SDCCAG8: variants seen among roughly 807,000 people sequenced by gnomAD.
The protein encoded by SDCCAG8 is serologically defined colon cancer antigen 8.
Under a neutral mutation model 101.8 loss-of-function variants are expected in SDCCAG8, and 74 were observed. That is an observed-to-expected ratio of 0.73 (90% CI 0.60 to 0.88). The LOEUF is 0.88. Ranked by LOEUF, SDCCAG8 falls within the 40% of genes least tolerant of loss-of-function variation. The probability of loss-of-function intolerance (pLI) is 0.00; values close to 1 mark genes in which losing one functional copy is unlikely to be tolerated. For missense variants in SDCCAG8, 787 were observed against 822.6 expected (o/e 0.96, Z 0.53); for synonymous variants, 281 against 292.9 (o/e 0.96, Z 0.41).
At chr1:243,437,651 C>T (rs1384712476) in intron 16 of SDCCAG8, among the ~76,000 whole-genome samples, 1 of 151,884 alleles carries the variant, frequency 6.6e-6, no homozygotes, top group Non-Finnish European at 1.5e-5. Context: ...ATTCTCCTGC[C>T]TCAGCCTCCC....
At chr1:243,256,504 G>A (rs1449293367) in intron 1 of SDCCAG8, among the ~76,000 whole-genome samples, 1 of 152,250 alleles carries the variant, frequency 6.6e-6, no homozygotes, top group Non-Finnish European at 1.5e-5. Context: ...GGCGACAGCA[G>A]AAACTCTTGG....
At chr1:243,337,076 G>A (rs537923087) in intron 10 of SDCCAG8, among the ~76,000 whole-genome samples, 20 of 152,128 alleles carry the variant, frequency 1.3e-4, no homozygotes, top group African/African-American at 4.8e-4. Flanking sequence ...CTTTCCCAAG[G>A]CCCATGTAGG....
At chr1:243,286,481 A>C (rs2069630452) in intron 5 of SDCCAG8, 84 bp downstream of exon 5, 1 of 1,467,710 alleles carries the variant, frequency 6.8e-7, no homozygotes, top group Non-Finnish European at 9.4e-7. Flanking sequence ...CGCTGCTTAG[A>C]TTTTCTCCCT....
chr1:243,428,990 A>G (rs1247732799), intron 16 of SDCCAG8, among the ~76,000 whole-genome samples: 3 of 152,188 alleles, frequency 2.0e-5, no homozygotes, highest in African/African-American at 7.2e-5. Flanking sequence ...TGTATTTTTC[A>G]TCATGTTTAG....
At chr1:243,285,818 C>A (rs1300620240) in intron 4 of SDCCAG8, among the ~76,000 whole-genome samples, 1 of 152,214 alleles carries the variant, frequency 6.6e-6, no homozygotes, top group African/African-American at 2.4e-5. Context: ...TATTTGGCTA[C>A]CATTTCATAG....
intron 16 of SDCCAG8, among the ~76,000 whole-genome samples, chr1:243,454,424 G>A (rs896231002): frequency 2.6e-4 from 40 of 152,018 alleles, no homozygotes; most frequent in African/African-American, 7.7e-4. Context: ...GTTCGCTCAC[G>A]TTTGGTTATC....
intron 16 of SDCCAG8, among the ~76,000 whole-genome samples, chr1:243,466,458 C>A (rs918834485): frequency 6.6e-6 from 1 of 152,162 alleles, no homozygotes; most frequent in African/African-American, 2.4e-5. Flanking sequence ...AAGTTCAAAT[C>A]CTGTCTCTAC....
intron 4 of SDCCAG8, among the ~76,000 whole-genome samples, chr1:243,279,453 G>T (rs1411284280): frequency 6.6e-6 from 1 of 152,230 alleles, no homozygotes; most frequent in African/African-American, 2.4e-5. Flanking sequence ...CCAGCATCAT[G>T]AGAGAATATT....
At chr1:243,261,500 C>T (rs2067189230) in intron 1 of SDCCAG8, among the ~76,000 whole-genome samples, 1 of 152,172 alleles carries the variant, frequency 6.6e-6, no homozygotes, top group African/African-American at 2.4e-5. Flanking sequence ...GGTTGACTTT[C>T]TATGTTTTGC....
At position 243,378,809 on chromosome 1, in the gene SDCCAG8, G is replaced by A. The variant is rs2077758467; in HGVS notation, c.1562G>A (p.Cys521Tyr). 6 of 1,614,100 alleles carry A rather than the reference G, an allele frequency of 3.7e-6. No individual in the cohort carries two copies. Among genetic ancestry groups the A allele is most frequent in the Non-Finnish European group, 5.1e-6 (6 of 1,179,990 alleles). The part of the protein sequence containing the change: ...QQKAALAREE[C>Y]LRLTELLGES... ...AAGGCAGCCCTGGCCAGAGAGGAGT[G>A]CCTGAGACTAACAGAACTGCTGGGC... Residue 521 changes from cysteine to tyrosine, a missense_variant, in exon 13 of 18, where the codon TGC (cysteine) becomes TAC (tyrosine). By Grantham distance (194) the Cys-to-Tyr change is radical. Transcript: ENST00000366541.
intron 12 of SDCCAG8, among the ~76,000 whole-genome samples, chr1:243,354,954 C>T (rs2147829862): frequency 6.6e-6 from 1 of 152,286 alleles, no homozygotes; most frequent in East Asian, 1.9e-4. Flanking sequence ...CAAAGAGATT[C>T]CTGATCTAAC....
chr1:243,495,881 G>A (rs1044546172), intron 17 of SDCCAG8, among the ~76,000 whole-genome samples: 5 of 152,180 alleles, frequency 3.3e-5, no homozygotes, highest in Admixed American at 3.3e-4. Flanking sequence ...ATCTGCCAGA[G>A]CAAGCAGGAG....
chr1:243,375,264 A>G (rs1237666336), intron 12 of SDCCAG8, among the ~76,000 whole-genome samples: 2 of 152,122 alleles, frequency 1.3e-5, no homozygotes, highest in Non-Finnish European at 2.9e-5. Context: ...AGAAGAACTA[A>G]TGGTGCATGC....
intron 16 of SDCCAG8, among the ~76,000 whole-genome samples, chr1:243,433,718 T>TAAG (rs1289584184): frequency 2.0e-5 from 3 of 152,224 alleles, no homozygotes; most frequent in African/African-American, 7.2e-5. Context: ...CTTGAGTTGT[T>TAAG]CATCCTTTGC....
chr1:243,344,461 T>A (rs2075580870), intron 12 of SDCCAG8, 130 bp downstream of exon 12: 2 of 780,230 alleles, frequency 2.6e-6, no homozygotes, highest in African/African-American at 1.8e-5. Context: ...CAGTTTACAC[T>A]GTTAGGAAAA....
chr1:243,444,318 G>C (rs1039759022), intron 16 of SDCCAG8, among the ~76,000 whole-genome samples: 6 of 151,340 alleles, frequency 4.0e-5, no homozygotes, highest in Admixed American at 2.0e-4. Context: ...TACGTCATAG[G>C]CTTAACTTTA....
At chr1:243,413,279 C>T (rs975981042) in intron 13 of SDCCAG8, among the ~76,000 whole-genome samples, 10 of 152,320 alleles carry the variant, frequency 6.6e-5, no homozygotes, top group Admixed American at 3.3e-4. Flanking sequence ...AATCTCTGCT[C>T]GCTGCATCCT....
chr1:243,337,373 A>C (rs1042603536), intron 10 of SDCCAG8, among the ~76,000 whole-genome samples: 1 of 152,128 alleles, frequency 6.6e-6, no homozygotes, highest in Non-Finnish European at 1.5e-5. Context: ...TCTGAGCTAG[A>C]GTCATTGAAG....
Position 243,405,523 on chromosome 1 carries a change from T to C in SDCCAG8, c.1617-10179T>C, listed in dbSNP as rs570974834. Among the ~76,000 whole-genome samples, 7 of 152,294 alleles carry C rather than the reference T, an allele frequency of 4.6e-5. 1 individual carries two copies. Among genetic ancestry groups the C allele is most frequent in the African/African-American group, 1.7e-4 (7 of 41,554 alleles). On this transcript the variant is annotated intron_variant, in intron 13 of 17. Coordinates refer to ENST00000366541, the MANE Select transcript of SDCCAG8 (RefSeq NM_006642.5). ...TTAAAGATCTGGCAATGAGCAACGA[T>C]CCATAGGCACTTACTAGCAAAAGGA...
Sources: gnomAD v4.1 joint callset for allele counts (sites outside exome capture counted in the v4.1 genomes callset) on GRCh38, gnomAD v4.1.1 for gene constraint, MANE v1.5 for transcripts, NCBI Gene and HGNC (gene_info 2026-07-23, HGNC 2026-07-21) for gene names.